The following ANKRD27 variants were observed in gnomAD, a reference collection of about 807,000 sequenced individuals.
ANKRD27 encodes ankyrin repeat domain 27.
ANKRD27 carries 112 observed loss-of-function variants against 129.7 expected under a neutral mutation model. That is an observed-to-expected ratio of 0.86 (90% CI 0.74 to 1.01). The LOEUF (loss-of-function observed/expected upper bound fraction) is 1.01, where lower values mean the gene tolerates loss of function less well. Among genes scored for constraint, ANKRD27 ranks in the 50% least tolerant of loss-of-function variants. ANKRD27 has a pLI of 0.00. For synonymous variants in ANKRD27, 516 were observed against 511.2 expected (o/e 1.01, Z -0.13); for missense variants, 1,258 against 1,300.5 (o/e 0.97, Z 0.50).
rs542814107 is a variant in ANKRD27, at chr19:32,604,811, AC to A, written c.2494-388del. 4.0e-4 allele frequency among the ~76,000 whole-genome samples: 61 copies of A among 152,286 alleles called. No individual in the cohort carries two copies. In the South Asian group the frequency reaches 0.012, roughly 29 times the overall value. ...AGTGGCCCATGCCTATAATCCCAGC[AC>A]TTTGGGAGGCAGAGGCAGGTGGATC... is the stretch of plus-strand genomic sequence containing the variant. On this transcript the variant is annotated intron_variant, in intron 24 of 28. Coordinates refer to ENST00000306065, the MANE Select transcript of ANKRD27 (RefSeq NM_032139.3).
intron 1 of ANKRD27, among the ~76,000 whole-genome samples, chr19:32,661,544 T>G (rs1285030566): frequency 6.6e-6 from 1 of 152,148 alleles, no homozygotes; most frequent in African/African-American, 2.4e-5. Context: ...GATTTTGCTG[T>G]GTTGCCCACG....
At chr19:32,641,605 G>A (rs1967201276) in intron 10 of ANKRD27, among the ~76,000 whole-genome samples, 1 of 151,924 alleles carries the variant, frequency 6.6e-6, no homozygotes, top group Non-Finnish European at 1.5e-5. Context: ...ATCATATCGT[G>A]GCTAAACAGC....
At chr19:32,604,195 ACAAAGGGATC>A (rs1372435822) in intron 25 of ANKRD27, 58 bp downstream of exon 25, 71 of 1,505,318 alleles carry the variant, frequency 4.7e-5, no homozygotes, top group Non-Finnish European at 5.6e-5. Flanking sequence ...TCCAGCTTAA[ACAAAGGGATC>A]CAGAGGGAGC....
At chr19:32,665,041 T>A (rs2145324644) in intron 1 of ANKRD27, among the ~76,000 whole-genome samples, 1 of 152,188 alleles carries the variant, frequency 6.6e-6, no homozygotes, top group African/African-American at 2.4e-5. Flanking sequence ...TAGCCACATT[T>A]CATGTGCTCA....
chr19:32,674,122 A>C (rs1005361251), intron 1 of ANKRD27, among the ~76,000 whole-genome samples: 5 of 152,038 alleles, frequency 3.3e-5, no homozygotes, highest in African/African-American at 1.2e-4. Context: ...GCATCACTGC[A>C]CTCCAGACTA....
At chr19:32,599,188 G>A (rs758900622) in intron 28 of ANKRD27, among the ~76,000 whole-genome samples, 2 of 152,090 alleles carry the variant, frequency 1.3e-5, no homozygotes, top group Admixed American at 6.5e-5. Flanking sequence ...AGGCTGAGGC[G>A]GGAGAATGCT....
intron 1 of ANKRD27, among the ~76,000 whole-genome samples, chr19:32,660,587 C>G (rs1322409885): frequency 6.6e-6 from 1 of 152,180 alleles, no homozygotes. Flanking sequence ...TTACAGAGAA[C>G]AGACAGCTGT....
intron 3 of ANKRD27, among the ~76,000 whole-genome samples, chr19:32,647,722 T>C (rs1967330036): frequency 6.6e-6 from 1 of 151,756 alleles, no homozygotes; most frequent in African/African-American, 2.4e-5. Flanking sequence ...ATTTGTTCTC[T>C]TTTGGACACC....
At chr19:32,653,880 G>A (rs1045710815) in intron 2 of ANKRD27, among the ~76,000 whole-genome samples, 2 of 152,134 alleles carry the variant, frequency 1.3e-5, no homozygotes, top group Non-Finnish European at 2.9e-5. Flanking sequence ...TTCACTCTGC[G>A]GGAGACACAT....
rs1229741592 is a variant in ANKRD27 at position 32,597,611 on chromosome 19, T to C, written c.*534A>G. ...ATCAAAATGGGATTGAGGCATCTTT[T>C]GGTTCGAGTGTTGCTTTGCAAAGAA... On this transcript the variant is annotated 3_prime_UTR_variant, in exon 29 of 29. Transcript: ENST00000306065. The C allele has an allele frequency of 6.3e-6, 1 of 159,344 alleles. No homozygotes were observed. Among genetic ancestry groups the C allele is most frequent in the Non-Finnish European group, 1.4e-5 (1 of 71,484 alleles). 9.9% of individuals were successfully genotyped at this position (159,344 alleles called of 1,614,324 possible). A position where few individuals can be genotyped will look rare whatever the true frequency, so the allele number is the denominator to read the frequency against.
Position 32,621,688 on chromosome 19 carries a change from G to A in ANKRD27, c.1827+734C>T, listed in dbSNP as rs961786460. ...GGCAGAAAGTCAGGCCTGTACAAACGGGGCTCCCCTAGAGACCTGGAGTGG... is the reference window on the plus strand; with the variant it reads ...GGCAGAAAGTCAGGCCTGTACAAACAGGGCTCCCCTAGAGACCTGGAGTGG... On this transcript the variant is annotated intron_variant, in intron 18 of 28. Transcript: ENST00000306065. Among the ~76,000 whole-genome samples, 10 of 152,126 alleles carry A rather than the reference G, an allele frequency of 6.6e-5. No homozygotes were observed. The South Asian group carries it at 1.0e-3, about 16-fold the overall frequency.
rs755188252 is a variant in ANKRD27 at position 32,640,348 on chromosome 19, T to G, written c.942A>C (p.Ser314=). The stretch of plus-strand genomic sequence containing the variant: ...TTTTCACAAGCAAGTATAACAGGAC[T>G]GATAGCAGATCATCAGCACACATGG... The part of the protein sequence containing the change: ...LETMCADDLL[S]VLLYLLVKTE... Residue 314 remains serine (S), a synonymous_variant, in exon 11 of 29, where the codon TCA becomes TCC. Coordinates refer to ENST00000306065, the MANE Select transcript of ANKRD27 (RefSeq NM_032139.3). 151 of 1,613,870 alleles carry G rather than the reference T, an allele frequency of 9.4e-5. No homozygotes were observed. Among genetic ancestry groups the G allele is most frequent in the Non-Finnish European group, 1.2e-4 (143 of 1,179,900 alleles).
In ANKRD27 at chr19:32,622,423, T is replaced by A. The variant is rs1972024429; in HGVS notation, c.1826A>T (p.Lys609Met). The A allele has an allele frequency of 6.2e-7, 1 of 1,613,748 alleles. No homozygotes were observed. Among genetic ancestry groups the A allele is most frequent in the Non-Finnish European group, 8.5e-7 (1 of 1,179,992 alleles). The stretch of plus-strand genomic sequence containing the variant: ...CCCCTCAGAGATGGGAAGAGCTACC[T>A]TTGAGTTTAATGCACACTTGAGGGG... ...ETPLKCALNS[K>M]ILSVMEAYHL... Residue 609 changes from lysine (K) to methionine (M), a missense_variant and splice_region_variant, in exon 18 of 29, where the codon AAG becomes ATG. By Grantham distance (95) the Lys-to-Met change is moderately conservative. Coordinates refer to ENST00000306065, the MANE Select transcript of ANKRD27 (RefSeq NM_032139.3).
chr19:32,604,285 G>A lies in ANKRD27; in HGVS notation c.2633C>T (p.Thr878Met), dbSNP rs149664843. 62 of 1,612,966 alleles carry A rather than the reference G, an allele frequency of 3.8e-5. No homozygotes were observed. Among genetic ancestry groups the A allele is most frequent in the African/African-American group, 1.9e-4 (14 of 74,928 alleles). The change falls in exon 25 of 29, where the codon ACG becomes ATG. Residue 878 changes from threonine (T) to methionine (M), a missense_variant. Physicochemically the swap from Thr to Met is moderately conservative, Grantham distance 81 (BLOSUM62 -1). Coordinates refer to ENST00000306065, the MANE Select transcript of ANKRD27 (RefSeq NM_032139.3). ...SVQVLNKRQRTAVDCAEQNSK... is the reference protein window; with the variant it reads ...SVQVLNKRQRMAVDCAEQNSK... The stretch of plus-strand genomic sequence containing the variant: ...TACCTGTTCAGCACAGTCTACAGCC[G>A]TGCGCTGCCGCTTGTTCAGCACCTG...
In ANKRD27 at chr19:32,600,064, G is replaced by A. The variant is rs1228428796; in HGVS notation, c.2768-14C>T. 1 of 1,575,302 alleles carries A rather than the reference G, an allele frequency of 6.3e-7. No homozygotes were observed. Among genetic ancestry groups the A allele is most frequent in the South Asian group, 1.1e-5 (1 of 89,596 alleles). ...GTTTTGAGTTCCCTGTAGATAAAAA[G>A]ATAAACATCTAAAAACTTCAAAAAC... On this transcript the variant is annotated splice_polypyrimidine_tract_variant and intron_variant, in intron 26 of 28. Coordinates refer to ENST00000306065, the MANE Select transcript of ANKRD27 (RefSeq NM_032139.3).
chr19:32,607,580 G>A, intron 23 of ANKRD27, 55 bp downstream of exon 23: 2 of 1,572,162 alleles, frequency 1.3e-6, no homozygotes, highest in Non-Finnish European at 1.7e-6. Context: ...CCAAGCACAA[G>A]GTCCTAGCCC....
chr19:32,675,171 A>C lies in ANKRD27; in HGVS notation c.-131T>G, dbSNP rs564662257. The C allele has an allele frequency of 8.5e-5, 13 of 152,410 alleles. No individual in the cohort carries two copies. The East Asian group carries it at 2.5e-3, about 30-fold the overall frequency. 9.4% of individuals were successfully genotyped at this position (152,410 alleles called of 1,614,324 possible). A position where few individuals can be genotyped will look rare whatever the true frequency, so the allele number is the denominator to read the frequency against. ...CGATGCCCACCACCCTCGCGCGGCG[A>C]TCTGGCCCTATAGCCCACCCCTTAC... On this transcript the variant is annotated 5_prime_UTR_variant, in exon 1 of 29. Transcript: ENST00000306065.
intron 1 of ANKRD27, among the ~76,000 whole-genome samples, chr19:32,665,751 G>A (rs531361228): frequency 2.7e-5 from 4 of 150,154 alleles, no homozygotes; most frequent in South Asian, 4.2e-4. Context: ...GAGCCACCGC[G>A]CCCAGCCTGC....
At chr19:32,633,410 A>G (rs569415074) in intron 12 of ANKRD27, among the ~76,000 whole-genome samples, 3 of 147,216 alleles carry the variant, frequency 2.0e-5, no homozygotes, top group East Asian at 2.0e-4. Context: ...ATAGCTCACT[A>G]CAGCCTTGAA....
Sources: allele counts gnomAD v4.1 joint callset (sites outside exome capture counted in the v4.1 genomes callset), GRCh38; gene constraint gnomAD v4.1.1; transcripts MANE v1.5; gene names NCBI Gene and HGNC (gene_info 2026-07-23, HGNC 2026-07-21).